The following CSAD variants were observed in gnomAD, a reference collection of about 807,000 sequenced individuals.
CSAD encodes P-selectin cytoplasmic tail-associated protein.
In CSAD, 47 loss-of-function variants were observed where a neutral mutation model predicts 61.5. The ratio of observed to expected loss-of-function variants is 0.76; its 90% CI spans 0.60 to 0.97. The LOEUF is 0.97. CSAD is among the 50% of genes least tolerant of loss of function. CSAD has a pLI of 0.00. For synonymous variants in CSAD, 245 were observed against 252.7 expected, an observed-to-expected ratio of 0.97 and a Z score of 0.29; for missense variants, 611 against 643.6, an observed-to-expected ratio of 0.95 and a Z score of 0.55.
chr12:53,180,561 A>C (rs1258041818), intron 1 of CSAD, 171 bp downstream of exon 1: 2 of 1,279,398 alleles, frequency 1.6e-6, no homozygotes, highest in Non-Finnish European at 2.0e-6. Flanking sequence ...GGCGCCGCCC[A>C]CTCACCCAGC....
chr12:53,167,224 G>T (rs901553302), intron 10 of CSAD, among the ~76,000 whole-genome samples: 1 of 152,152 alleles, frequency 6.6e-6, no homozygotes, highest in African/African-American at 2.4e-5. Context: ...CTACAGGTGG[G>T]GTGGAAACAG....
upstream of CSAD, chr12:53,181,173 G>T (rs1941609087): frequency 2.0e-6 from 2 of 985,100 alleles, no homozygotes; most frequent in Admixed American, 6.1e-5. Context: ...CGGGCGACAC[G>T]CCGCGCCGGG....
intron 7 of CSAD, 108 bp from the exon 8 acceptor site, chr12:53,171,549 C>G (rs1174268478): frequency 2.8e-6 from 3 of 1,077,124 alleles, no homozygotes; most frequent in Non-Finnish European, 4.0e-6. Flanking sequence ...GCAGGTATGA[C>G]TGGCTCCCAG....
chr12:53,162,130 G>A (rs923334166), intron 10 of CSAD, among the ~76,000 whole-genome samples: 1 of 151,996 alleles, frequency 6.6e-6, no homozygotes, highest in African/African-American at 2.4e-5. Context: ...GTGTGGTGGT[G>A]CACGCCTGTA....
At chr12:53,180,646 T>A (rs1190430686) in intron 1 of CSAD, 86 bp downstream of exon 1, 2 of 1,283,122 alleles carry the variant, frequency 1.6e-6, no homozygotes, top group Non-Finnish European at 2.0e-6. Context: ...AGCCCGGAAG[T>A]GGATGCAGCC....
At chr12:53,159,733 G>T in intron 15 of CSAD, 21 bp from the exon 16 acceptor site, 1 of 1,593,096 alleles carries the variant, frequency 6.3e-7, no homozygotes, top group East Asian at 2.3e-5. Context: ...TGAGAAAGAG[G>T]AAGGTGTGAG....
chr12:53,159,835 C>A lies in CSAD; in HGVS notation c.1218+52G>T, dbSNP rs375793685. The A allele has an allele frequency of 1.1e-5, 17 of 1,555,068 alleles. No homozygotes were observed. The African/African-American group carries it at 2.3e-4, about 21-fold the overall frequency. Reference sequence around the variant, plus strand: ...TAGGGCTTTAGTTGGGGCTTGGGGGCTGCAAAAGAGCTAGGCTGGGGCAGG... The same window carrying A: ...TAGGGCTTTAGTTGGGGCTTGGGGGATGCAAAAGAGCTAGGCTGGGGCAGG... On this transcript the variant is annotated intron_variant, in intron 15 of 16. Transcript: ENST00000444623.
chr12:53,174,714 C>T (rs1041282262), intron 2 of CSAD, among the ~76,000 whole-genome samples: 2 of 152,064 alleles, frequency 1.3e-5, no homozygotes, highest in African/African-American at 4.8e-5. Context: ...TCCACCTGAA[C>T]CTGTGAGGCG....
In CSAD at chr12:53,160,308, C is replaced by T. The variant is rs756742561; in HGVS notation, c.978G>A (p.Lys326=). 6.2e-6 allele frequency: 10 copies of T among 1,614,058 alleles called. No individual in the cohort carries two copies. The highest frequency in any genetic ancestry group is 6.8e-6 in the Non-Finnish European group (8 of 1,180,030). ...AGCTGGCCTGGGACCCATGGCAGCG[C>T]TTGAGCAGGTTCTGTGTGGGGGTGA... ...LLLQDTSNLL[K]RCHGSQASYL... The change falls in exon 14 of 17, where the codon AAG becomes AAA. Residue 326 remains lysine, a synonymous_variant. Transcript: ENST00000444623.
intron 10 of CSAD, chr12:53,164,878 G>A (rs754393523): frequency 6.6e-6 from 1 of 152,106 alleles, no homozygotes; most frequent in African/African-American, 2.4e-5. Context: ...AATGGGCAAA[G>A]GATCTGACTA....
chr12:53,180,489 C>A (rs1941498711), intron 1 of CSAD: 3 of 1,224,358 alleles, frequency 2.5e-6, no homozygotes, highest in Non-Finnish European at 3.1e-6. Flanking sequence ...GCGGCCGGGG[C>A]GCGCCCCGGC....
intron 16 of CSAD, 59 bp from the exon 17 acceptor site, chr12:53,158,743 G>A: frequency 6.5e-7 from 1 of 1,535,378 alleles, no homozygotes; most frequent in African/African-American, 1.4e-5. Flanking sequence ...AGGTAGGCTG[G>A]CTTCTTGTCC....
At chr12:53,169,639 G>A (rs1565663895) in intron 10 of CSAD, among the ~76,000 whole-genome samples, 1 of 151,986 alleles carries the variant, frequency 6.6e-6, no homozygotes. Context: ...GTGCCAAAAT[G>A]CCCTCCAAGG....
chr12:53,173,281 AAAAAGAAAAGAG>A (rs1378266547), intron 4 of CSAD, 52 bp downstream of exon 4: 4 of 1,465,396 alleles, frequency 2.7e-6, no homozygotes, highest in South Asian at 1.2e-5. Context: ...AAAGAAAGGA[AAAAAGAAAAGAG>A]AAAAGAAAAG....
chr12:53,173,542 C>G (rs1188861604), intron 3 of CSAD, 66 bp from the exon 4 acceptor site: 2 of 1,612,190 alleles, frequency 1.2e-6, no homozygotes, highest in Non-Finnish European at 1.7e-6. Flanking sequence ...CCAGCAGGAG[C>G]CTCCTCTCCC....
In CSAD at chr12:53,158,503, G is replaced by C; in HGVS notation, c.*8C>G. 1 of 1,609,426 alleles carries C rather than the reference G, an allele frequency of 6.2e-7. No homozygotes were observed. Among genetic ancestry groups the C allele is most frequent in the Middle Eastern group, 1.7e-4 (1 of 6,042 alleles). ...TGGTATCAAGGCCGGCAGCAAGACA[G>C]AGAAGGCTCACAGGTCCTGGCCTAG... On this transcript the variant is annotated 3_prime_UTR_variant, in exon 17 of 17. Transcript: ENST00000444623.
upstream of CSAD, chr12:53,181,159 G>A: frequency 1.0e-6 from 1 of 984,666 alleles, no homozygotes; most frequent in Non-Finnish European, 1.2e-6. Context: ...TGGCCGGAGC[G>A]AGGCGGGCGA....
chr12:53,160,996 C>A, intron 12 of CSAD, 131 bp downstream of exon 12: 2 of 1,148,716 alleles, frequency 1.7e-6, no homozygotes, highest in Non-Finnish European at 2.5e-6. Context: ...CTCCCAGCTC[C>A]AATCAATCCT....
intron 10 of CSAD, among the ~76,000 whole-genome samples, chr12:53,161,806 G>T (rs1939317087): frequency 6.6e-6 from 1 of 151,060 alleles, no homozygotes; most frequent in African/African-American, 2.4e-5. Context: ...AAATTTTTTT[G>T]TTTAATTAGC....
Sources: allele counts gnomAD v4.1 joint callset (sites outside exome capture counted in the v4.1 genomes callset), GRCh38; gene constraint gnomAD v4.1.1; transcripts MANE v1.5; gene names NCBI Gene and HGNC (gene_info 2026-07-23, HGNC 2026-07-21).